The following DNA2 variants were observed in gnomAD, a reference collection of about 807,000 sequenced individuals.
DNA2 encodes the protein DNA replication helicase/nuclease 2.
A neutral mutation model predicts 119.1 loss-of-function variants in DNA2; 101 were observed. The observed-to-expected ratio is 0.85, with a 90% CI of 0.72 to 1.00. DNA2 has a LOEUF of 1.00. DNA2 is among the 50% of genes least tolerant of loss of function. The pLI, the probability that DNA2 is intolerant of heterozygous loss-of-function variation, is 0.00. For missense variants in DNA2, 1,121 were observed against 1,255.5 expected, an observed-to-expected ratio of 0.89 and a Z score of 1.62; for synonymous variants, 366 against 424.4, an observed-to-expected ratio of 0.86 and a Z score of 1.69.
At chr10:68,472,495 A>C (rs2052394964), upstream of DNA2, among the ~76,000 whole-genome samples, 1 of 152,072 alleles carries the variant, frequency 6.6e-6, no homozygotes, top group Non-Finnish European at 1.5e-5. Flanking sequence ...AGCACTTCGG[A>C]AGGCTGAGGC....
chr10:68,458,969 C>G (rs1324377759), intron 5 of DNA2, 135 bp downstream of exon 5: 9 of 738,700 alleles, frequency 1.2e-5, no homozygotes, highest in Admixed American at 1.1e-4. Flanking sequence ...TACTTAGGAC[C>G]ATAATTTATA....
At chr10:68,427,958 G>A (rs1409359546) in intron 14 of DNA2, among the ~76,000 whole-genome samples, 1 of 150,638 alleles carries the variant, frequency 6.6e-6, no homozygotes, top group Non-Finnish European at 1.5e-5. Context: ...GCTTGAACCT[G>A]GGAGGCAAAG....
intron 6 of DNA2, among the ~76,000 whole-genome samples, chr10:68,447,889 C>A (rs992519045): frequency 6.6e-6 from 1 of 150,760 alleles, no homozygotes; most frequent in African/African-American, 2.4e-5. Flanking sequence ...GAGGCTGAGG[C>A]AGGAGAATGG....
chr10:68,441,335 TAAAAAAAAAAA>T (rs35334686), intron 9 of DNA2, among the ~76,000 whole-genome samples: 2 of 121,112 alleles, frequency 1.7e-5, no homozygotes, highest in East Asian at 2.3e-4. Flanking sequence ...CCCTGTCTCT[TAAAAAAAAAAA>T]AAAAAAAAAG....
intron 19 of DNA2, among the ~76,000 whole-genome samples, chr10:68,417,452 C>T (rs990975504): frequency 5.5e-5 from 8 of 144,274 alleles, no homozygotes; most frequent in African/African-American, 1.8e-4. Flanking sequence ...TGCTAGAGCT[C>T]GGGAGTTGCC....
Position 68,437,221 on chromosome 10 carries a change from A to G in DNA2, c.1436T>C (p.Ile479Thr), listed in dbSNP as rs2051901150. The G allele has an allele frequency of 6.2e-7, 1 of 1,606,304 alleles. No homozygotes were observed. The highest frequency in any genetic ancestry group is 8.5e-7 in the Non-Finnish European group (1 of 1,173,934). The change falls in exon 10 of 21, where the codon ATT becomes ACT. Residue 479 changes from isoleucine to threonine, a missense_variant. Coordinates refer to ENST00000358410, the MANE Select transcript of DNA2 (RefSeq NM_001080449.3). ...ATGTTCCATTCTAATCAGGTTTCCAATGCAACTGCCACTCTTCTCCCTATG... is the reference window on the plus strand; with the variant it reads ...ATGTTCCATTCTAATCAGGTTTCCAGTGCAACTGCCACTCTTCTCCCTATG... ...ASEMEKSGSC[I>T]GNLIRMEHVK...
At chr10:68,447,059 C>G (rs1361948582) in intron 6 of DNA2, among the ~76,000 whole-genome samples, 1 of 152,038 alleles carries the variant, frequency 6.6e-6, no homozygotes, top group East Asian at 1.9e-4. Context: ...ACCGCATTTA[C>G]TATGTTATGA....
chr10:68,436,657 A>C (rs1363314166), intron 10 of DNA2, among the ~76,000 whole-genome samples: 1 of 152,362 alleles, frequency 6.6e-6, no homozygotes, highest in Non-Finnish European at 1.5e-5. Context: ...ATGAATTTCA[A>C]AAACAGTGTG....
At chr10:68,419,380 A>G in intron 18 of DNA2, 167 bp from the exon 19 acceptor site, 2 of 583,318 alleles carry the variant, frequency 3.4e-6, no homozygotes, top group Non-Finnish European at 5.7e-6. Context: ...ATCTGTCCAT[A>G]TTTCCCAGGA....
chr10:68,458,512 C>G (rs866119397), intron 5 of DNA2, among the ~76,000 whole-genome samples: 25 of 144,102 alleles, frequency 1.7e-4, no homozygotes, highest in African/African-American at 5.2e-4. Context: ...CCAGCCTGGG[C>G]AACAGAGCAA....
intron 20 of DNA2, among the ~76,000 whole-genome samples, chr10:68,415,446 T>C (rs928644497): frequency 6.6e-6 from 1 of 151,876 alleles, no homozygotes; most frequent in African/African-American, 2.4e-5. Flanking sequence ...CCGGCTAATT[T>C]TGTATTTTTA....
intron 9 of DNA2, among the ~76,000 whole-genome samples, chr10:68,439,731 G>A (rs1045623139): frequency 1.3e-5 from 2 of 151,988 alleles, no homozygotes; most frequent in African/African-American, 2.4e-5. Flanking sequence ...CAGTTTACTC[G>A]GGAGGCTGAG....
intron 14 of DNA2, among the ~76,000 whole-genome samples, chr10:68,428,132 C>T (rs995356597): frequency 6.6e-6 from 1 of 151,770 alleles, no homozygotes; most frequent in Admixed American, 6.6e-5. Flanking sequence ...TTGAGACCAT[C>T]CTGGCTAACA....
intron 8 of DNA2, 146 bp downstream of exon 8, chr10:68,444,775 C>G: frequency 1.1e-5 from 4 of 353,504 alleles, no homozygotes; most frequent in Non-Finnish European, 9.9e-6. Flanking sequence ...TTTCTATTAT[C>G]TTAATTTTAG....
chr10:68,465,637 A>T, intron 4 of DNA2, 30 bp downstream of exon 4: 1 of 1,482,968 alleles, frequency 6.7e-7, no homozygotes. Flanking sequence ...TAATAAAATT[A>T]TACCTGCAGT....
At chr10:68,415,446 T>G (rs928644497) in intron 20 of DNA2, among the ~76,000 whole-genome samples, 1 of 151,994 alleles carries the variant, frequency 6.6e-6, no homozygotes, top group East Asian at 1.9e-4. Flanking sequence ...CCGGCTAATT[T>G]TGTATTTTTA....
chr10:68,421,987 A>G (rs1051428145), intron 17 of DNA2, among the ~76,000 whole-genome samples: 1 of 151,734 alleles, frequency 6.6e-6, no homozygotes, highest in African/African-American at 2.4e-5. Context: ...GCTACTTTTT[A>G]TATTTTTAGT....
At chr10:68,415,220 G>A in intron 20 of DNA2, 113 bp from the exon 21 acceptor site, 1 of 609,034 alleles carries the variant, frequency 1.6e-6, no homozygotes, top group Non-Finnish European at 2.9e-6. Flanking sequence ...AAAAAATAAG[G>A]ATCTTTATGG....
At chr10:68,435,460 T>C (rs2051875691) in intron 10 of DNA2, among the ~76,000 whole-genome samples, 1 of 151,944 alleles carries the variant, frequency 6.6e-6, no homozygotes, top group East Asian at 1.9e-4. Flanking sequence ...CATACACATA[T>C]ATATATATAT....
Sources: gnomAD v4.1 joint callset for allele counts (sites outside exome capture counted in the v4.1 genomes callset) on GRCh38, gnomAD v4.1.1 for gene constraint, MANE v1.5 for transcripts, NCBI Gene and HGNC (gene_info 2026-07-23, HGNC 2026-07-21) for gene names.